Variants in NBPF12 observed in about 807,000 individuals in gnomAD.
The protein encoded by NBPF12 is NBPF member 12, also known as NBPF family member NBPF12.
A neutral mutation model predicts 146.4 loss-of-function variants in NBPF12; 115 were observed. The ratio of observed to expected loss-of-function variants is 0.79; its 90% CI spans 0.68 to 0.92. The LOEUF (loss-of-function observed/expected upper bound fraction) is 0.92. NBPF12 is among the 40% of genes least tolerant of loss of function. The probability of loss-of-function intolerance (pLI) is 0.00; values close to 1 mark genes in which losing one functional copy is unlikely to be tolerated. For missense variants in NBPF12, 1,205 were observed against 1,326.8 expected, an observed-to-expected ratio of 0.91 and a Z score of 1.43; for synonymous variants, 385 against 508.9, an observed-to-expected ratio of 0.76 and a Z score of 3.28.
exon 34 of NBPF12, chr1:146,994,484 C>G (rs4028590): frequency 0.22 from 318,186 of 1,435,634 alleles, 62,405 homozygotes; most frequent in Admixed American, 0.49. Flanking sequence ...CAGCACATCA[C>G]CTTTGCCCTT....
chr1:146,954,835 A>G (rs1655494924), intron 2 of NBPF12, among the ~76,000 whole-genome samples: 1 of 148,512 alleles, frequency 6.7e-6, no homozygotes, highest in Admixed American at 6.7e-5. Context: ...AGATACTCAC[A>G]TGTATGTCTA....
intron 13 of NBPF12, among the ~76,000 whole-genome samples, chr1:146,972,001 T>C (rs1193407671): frequency 1.4e-5 from 2 of 146,704 alleles, no homozygotes; most frequent in African/African-American, 5.2e-5. Flanking sequence ...GGCAGGAGAA[T>C]GGCATGAACC....
chr1:146,944,943 CCTT>C (rs1470913738), upstream of NBPF12, among the ~76,000 whole-genome samples: 1 of 88,238 alleles, frequency 1.1e-5, no homozygotes, highest in Non-Finnish European at 2.2e-5. Context: ...TCCCTCCCTC[CCTT>C]CTTTTCTTCC....
intron 21 of NBPF12, 110 bp from the exon 25 acceptor site, chr1:146,984,703 C>G (rs1657635307): frequency 1.3e-6 from 1 of 772,804 alleles, no homozygotes; most frequent in African/African-American, 1.8e-5. Context: ...ATTAATGGAT[C>G]TGTCCTTTTT....
At position 146,992,460 on chromosome 1, in the gene NBPF12, C is replaced by CTG. The variant is rs1553889578; in HGVS notation, c.3849-251_3849-250insGT. Among the ~76,000 whole-genome samples, 111 of 88,896 alleles carry CTG rather than the reference C, an allele frequency of 1.2e-3. 1 individual carries two copies. Among genetic ancestry groups the CTG allele is most frequent in the South Asian group, 6.1e-3 (15 of 2,454 alleles). 58.3% of individuals were successfully genotyped at this position (88,896 alleles called of 152,430 possible). A position where few individuals can be genotyped will look rare whatever the true frequency, so the allele number is the denominator to read the frequency against. On this transcript the variant is annotated intron_variant, in intron 31 of 33. Coordinates refer to ENST00000617844, the Ensembl canonical transcript of NBPF12. ...TCTCTCTCTCTCTCTCTCTCTCTCT[C>CTG]TCTGTGTGTGTGTGTGTGTGTGTGT...
upstream of NBPF12, among the ~76,000 whole-genome samples, chr1:146,947,561 G>A (rs1185361207): frequency 3.9e-5 from 5 of 128,248 alleles, no homozygotes; most frequent in Non-Finnish European, 6.5e-5. Flanking sequence ...ACTCAATGAT[G>A]TAAGTTGATT....
chr1:146,953,990 A>G (rs1446326313), intron 2 of NBPF12, among the ~76,000 whole-genome samples: 8 of 148,692 alleles, frequency 5.4e-5, no homozygotes, highest in South Asian at 4.3e-4. Flanking sequence ...TAAGCTCTCA[A>G]TGTAAGTGGT....
upstream of NBPF12, among the ~76,000 whole-genome samples, chr1:146,947,762 T>G (rs1352484481): frequency 1.8e-3 from 267 of 150,350 alleles, 2 homozygotes; most frequent in Non-Finnish European, 3.3e-3. Flanking sequence ...TGTAGTGGAC[T>G]ATTGTGTTCG....
At chr1:146,965,791 CAAAAAAAAAAA>C (rs1162462110) in intron 8 of NBPF12, among the ~76,000 whole-genome samples, 71 of 30,054 alleles carry the variant, frequency 2.4e-3, no homozygotes, top group South Asian at 6.9e-3. Context: ...GACTGCATCT[CAAAAAAAAAAA>C]AAAAAAAAAA....
intron 2 of NBPF12, among the ~76,000 whole-genome samples, chr1:146,953,013 G>T (rs1168272452): frequency 1.8e-4 from 27 of 151,102 alleles, no homozygotes; most frequent in Non-Finnish European, 2.4e-4. Flanking sequence ...AAATGCATGG[G>T]TGAGGGGAAC....
At chr1:146,961,846 G>C (rs1449389978) in intron 4 of NBPF12, among the ~76,000 whole-genome samples, 4 of 152,008 alleles carry the variant, frequency 2.6e-5, no homozygotes, top group African/African-American at 4.8e-5. Context: ...AGGCTGCAAG[G>C]CTTGGGAAAG....
chr1:146,969,671 T>G, intron 11 of NBPF12, 75 bp downstream of exon 14: 1 of 1,522,450 alleles, frequency 6.6e-7, no homozygotes, highest in Non-Finnish European at 9.1e-7. Context: ...ACTTTCACAA[T>G]GACAGTTGTA....
chr1:146,962,581 C>G (rs1423638453), intron 5 of NBPF12, among the ~76,000 whole-genome samples: 1 of 151,572 alleles, frequency 6.6e-6, no homozygotes, highest in Non-Finnish European at 1.5e-5. Context: ...CTATTGCCAC[C>G]CCACTTACCC....
upstream of NBPF12, among the ~76,000 whole-genome samples, chr1:146,945,239 G>C (rs1227971831): frequency 1.3e-5 from 2 of 151,130 alleles, no homozygotes; most frequent in Non-Finnish European, 2.9e-5. Context: ...CAAAATCTCT[G>C]GAGCTGCTTC....
At chr1:146,948,643 A>G (rs1655179957), upstream of NBPF12, among the ~76,000 whole-genome samples, 3 of 152,078 alleles carry the variant, frequency 2.0e-5, no homozygotes, top group South Asian at 2.1e-4. Flanking sequence ...AAAGCCAGGT[A>G]TTGTCCAAGG....
intron 32 of NBPF12, among the ~76,000 whole-genome samples, chr1:146,993,099 G>A (rs199694622): frequency 9.5e-4 from 27 of 28,310 alleles, no homozygotes; most frequent in African/African-American, 2.7e-3. Context: ...CTCAGGCCAT[G>A]CCTGTGGCAC....
intron 14 of NBPF12, among the ~76,000 whole-genome samples, chr1:146,973,181 A>T (rs1271272110): frequency 7.2e-6 from 1 of 138,404 alleles, no homozygotes; most frequent in East Asian, 2.3e-4. Flanking sequence ...GACTAGAATT[A>T]AACTGCCATT....
At chr1:146,952,160 T>C (rs1655352768) in intron 2 of NBPF12, 1 of 151,840 alleles carries the variant, frequency 6.6e-6, no homozygotes, top group Non-Finnish European at 1.5e-5. Flanking sequence ...TCTTTTATGA[T>C]GAAGGAGAAA....
chr1:146,962,073 G>A, intron 4 of NBPF12, 88 bp from the exon 8 acceptor site: 1 of 1,181,874 alleles, frequency 8.5e-7, no homozygotes, highest in Non-Finnish European at 1.3e-6. Context: ...TTTGTCCTTG[G>A]GATGGACCTG....
Sources: allele counts gnomAD v4.1 joint callset (sites outside exome capture counted in the v4.1 genomes callset), GRCh38; gene constraint gnomAD v4.1.1; transcripts MANE v1.5; gene names NCBI Gene and HGNC (gene_info 2026-07-23, HGNC 2026-07-21).